Variants in WLS observed in about 807,000 individuals in gnomAD.
WLS encodes the protein protein wntless homolog.
A neutral mutation model predicts 62.8 loss-of-function variants in WLS; 23 were observed. The observed-to-expected ratio is 0.37, with a 90% CI of 0.26 to 0.52. The LOEUF (loss-of-function observed/expected upper bound fraction) is 0.52, where lower values mean the gene tolerates loss of function less well. Ranked by LOEUF, WLS falls within the 20% of genes least tolerant of loss-of-function variation. The pLI is 0.92. For synonymous variants in WLS, 246 were observed against 244.1 expected (o/e 1.01, Z -0.07); for missense variants, 615 against 697.3 (o/e 0.88, Z 1.33).
chr1:68,142,918 A>G (rs1380032528), intron 10 of WLS: 1 of 152,190 alleles, frequency 6.6e-6, no homozygotes, highest in Non-Finnish European at 1.5e-5. Context: ...GATAATGTTT[A>G]CTTCAATTAT....
intron 11 of WLS, among the ~76,000 whole-genome samples, chr1:68,128,071 A>C (rs574016618): frequency 5.9e-5 from 9 of 152,190 alleles, no homozygotes; most frequent in Non-Finnish European, 1.0e-4. Context: ...AGGACTGCTG[A>C]AGACATTTGG....
chr1:68,175,282 G>A (rs1647220237), intron 2 of WLS, among the ~76,000 whole-genome samples: 1 of 152,226 alleles, frequency 6.6e-6, no homozygotes, highest in Admixed American at 6.5e-5. Flanking sequence ...CCAGCCAGAT[G>A]GAAACCATCA....
chr1:68,191,525 A>G (rs992020822), intron 2 of WLS, among the ~76,000 whole-genome samples: 1 of 151,984 alleles, frequency 6.6e-6, no homozygotes, highest in African/African-American at 2.4e-5. Flanking sequence ...GTTTTTTCTT[A>G]TTTGTAGGTT....
Position 68,163,333 on chromosome 1 carries a change from C to T in WLS, c.380-4086G>A, listed in dbSNP as rs549029526. Among the ~76,000 whole-genome samples, 244 of 152,312 alleles carry T rather than the reference C, an allele frequency of 1.6e-3. 1 individual carries two copies. The highest frequency in any genetic ancestry group is 5.6e-3 in the African/African-American group (233 of 41,570). ...TGAAACCCTCGTCCCGGACGGTCAG[C>T]GTCCACGGCAAAAGGCGCCCACTCT... On this transcript the variant is annotated intron_variant, in intron 2 of 11. Coordinates refer to ENST00000262348, the MANE Select transcript of WLS (RefSeq NM_024911.7).
intron 11 of WLS, among the ~76,000 whole-genome samples, chr1:68,112,265 G>A (rs968133473): frequency 6.6e-6 from 1 of 152,190 alleles, no homozygotes; most frequent in African/African-American, 2.4e-5. Flanking sequence ...CAGTGCACTA[G>A]CTGTACAACA....
At chr1:68,140,760 C>A (rs1383720072) in intron 10 of WLS, among the ~76,000 whole-genome samples, 1 of 152,170 alleles carries the variant, frequency 6.6e-6, no homozygotes, top group African/African-American at 2.4e-5. Flanking sequence ...TGTAACTCTG[C>A]TCTTTGGTGG....
At chr1:68,207,583 T>C (rs1353771999) in intron 1 of WLS, among the ~76,000 whole-genome samples, 2 of 152,242 alleles carry the variant, frequency 1.3e-5, no homozygotes, top group Non-Finnish European at 2.9e-5. Context: ...GCAAGGGACT[T>C]ACTTTCACAG....
At chr1:68,173,398 C>T (rs1400908701) in intron 2 of WLS, among the ~76,000 whole-genome samples, 1 of 146,802 alleles carries the variant, frequency 6.8e-6, no homozygotes, top group East Asian at 2.0e-4. Context: ...TTGTGAAAAT[C>T]TACCTGCGTG....
At chr1:68,226,367 A>G (rs1300962154) in intron 1 of WLS, among the ~76,000 whole-genome samples, 11 of 152,164 alleles carry the variant, frequency 7.2e-5, no homozygotes, top group Non-Finnish European at 1.5e-5. Flanking sequence ...GTTCCCTTAC[A>G]TGTAAAAGGG....
chr1:68,183,657 T>C (rs777108525), intron 2 of WLS: 11 of 400,338 alleles, frequency 2.7e-5, no homozygotes, highest in South Asian at 2.2e-4. Context: ...GAGAATTGTT[T>C]ATGATCAATA....
At chr1:68,226,244 C>T (rs1462436190) in intron 1 of WLS, among the ~76,000 whole-genome samples, 1 of 152,028 alleles carries the variant, frequency 6.6e-6, no homozygotes, top group African/African-American at 2.4e-5. Context: ...GGGAGGATCA[C>T]CTAAAGTTGA....
chr1:68,133,658 T>C (rs904497609), intron 11 of WLS, among the ~76,000 whole-genome samples: 8 of 152,234 alleles, frequency 5.3e-5, no homozygotes, highest in Non-Finnish European at 7.3e-5. Flanking sequence ...AAATGCTCTT[T>C]GGAAAGTGAC....
chr1:68,122,525 G>A (rs1430750), downstream of WLS, among the ~76,000 whole-genome samples: 47,331 of 151,972 alleles, frequency 0.31, 7,428 homozygotes, highest in East Asian at 0.45. Flanking sequence ...TATAGCAATT[G>A]CATTTTATTT....
At chr1:68,231,379 G>A (rs1330134784) in intron 1 of WLS, among the ~76,000 whole-genome samples, 8 of 151,998 alleles carry the variant, frequency 5.3e-5, no homozygotes, top group Non-Finnish European at 8.8e-5. Flanking sequence ...TCTCCTAAGC[G>A]CCAAAAGAGG....
rs541758142 is a variant in WLS, at chr1:68,098,617, T to C, written c.*15A>G. 3 of 1,612,972 alleles carry C rather than the reference T, an allele frequency of 1.9e-6. No individual in the cohort carries two copies. The African/African-American group carries it at 4.0e-5, about 21-fold the overall frequency. On this transcript the variant is annotated 3_prime_UTR_variant, in exon 12 of 12. Coordinates refer to the WLS transcript ENST00000354777. ...TGCAAATGCAAAGCTGATAAACATG[T>C]GTTGCCTTGTTGACTCAAATACCAG...
At chr1:68,187,405 T>C (rs572874837) in intron 2 of WLS, among the ~76,000 whole-genome samples, 1 of 152,172 alleles carries the variant, frequency 6.6e-6, no homozygotes, top group East Asian at 1.9e-4. Flanking sequence ...TATTTTTAAG[T>C]CAGAAAGCTT....
At chr1:68,100,699 G>C (rs1257355208) in intron 11 of WLS, 1 of 152,128 alleles carries the variant, frequency 6.6e-6, no homozygotes, top group African/African-American at 2.4e-5. Flanking sequence ...TCAAAACAGA[G>C]ATCATAAGGC....
At chr1:68,198,543 T>C (rs1300624875) in intron 1 of WLS, among the ~76,000 whole-genome samples, 2 of 152,052 alleles carry the variant, frequency 1.3e-5, no homozygotes, top group African/African-American at 2.4e-5. Context: ...TCTATGAAAA[T>C]TCAGTGGTCC....
chr1:68,211,254 T>C (rs1177450409), intron 1 of WLS, among the ~76,000 whole-genome samples: 1 of 151,034 alleles, frequency 6.6e-6, no homozygotes, highest in Non-Finnish European at 1.5e-5. Flanking sequence ...TGCAGACCTG[T>C]CCAGGAAAGT....
Sources: allele counts gnomAD v4.1 joint callset (sites outside exome capture counted in the v4.1 genomes callset), GRCh38; gene constraint gnomAD v4.1.1; transcripts MANE v1.5; gene names NCBI Gene and HGNC (gene_info 2026-07-23, HGNC 2026-07-21).